The following KATNIP variants were observed in gnomAD, a reference collection of about 807,000 sequenced individuals.
KATNIP encodes katanin-interacting protein.
Under a neutral mutation model 174.0 loss-of-function variants are expected in KATNIP, and 126 were observed. That is an observed-to-expected ratio of 0.72 (90% CI 0.63 to 0.84). The LOEUF (loss-of-function observed/expected upper bound fraction) is 0.84, where lower values mean the gene tolerates loss of function less well. Ranked by LOEUF, KATNIP falls within the 40% of genes least tolerant of loss-of-function variation. The pLI is 0.00. For synonymous variants in KATNIP, 810 were observed against 835.7 expected (o/e 0.97, Z 0.53); for missense variants, 1,958 against 2,109.7 (o/e 0.93, Z 1.41).
intron 18 of KATNIP, 95 bp downstream of exon 18, chr16:27,754,346 T>A (rs2081633497): frequency 9.5e-7 from 1 of 1,049,394 alleles, no homozygotes; most frequent in African/African-American, 1.6e-5. Context: ...CGCTGGACAA[T>A]CGGGTGGGTT....
intron 6 of KATNIP, among the ~76,000 whole-genome samples, chr16:27,651,739 G>A (rs538818678): frequency 7.2e-5 from 11 of 152,236 alleles, no homozygotes; most frequent in African/African-American, 2.4e-4. Context: ...TTTATTTTGA[G>A]ACGTTGTCTC....
rs141887133 is a variant in KATNIP at position 27,612,072 on chromosome 16, C to T, written c.64-6353C>T. On this transcript the variant is annotated intron_variant, in intron 2 of 27. Transcript: ENST00000261588. ...CATCAAGTTAGGAGTGAGAATGGGG[C>T]GAGGTGGGACTCGGATGGTGCTGTT... Among the ~76,000 whole-genome samples, 725 of 152,090 alleles carry T rather than the reference C, an allele frequency of 4.8e-3. 5 individuals are homozygous for T. The highest frequency in any genetic ancestry group is 6.3e-3 in the Non-Finnish European group (427 of 67,968).
chr16:27,628,374 CG>C (rs2076390335), intron 3 of KATNIP, among the ~76,000 whole-genome samples: 1 of 152,238 alleles, frequency 6.6e-6, no homozygotes, highest in African/African-American at 2.4e-5. Flanking sequence ...TTGGCCAGCA[CG>C]GGGCATGAAC....
chr16:27,703,847 T>C, intron 11 of KATNIP, 49 bp from the exon 12 acceptor site: 1 of 1,354,722 alleles, frequency 7.4e-7, no homozygotes, highest in Non-Finnish European at 1.1e-6. Context: ...TGTTCTCTTT[T>C]GTGTATCATT....
chr16:27,555,696 T>C (rs1206678043), intron 1 of KATNIP, among the ~76,000 whole-genome samples: 1 of 151,662 alleles, frequency 6.6e-6, no homozygotes, highest in Non-Finnish European at 1.5e-5. Context: ...ATTAGCTGGG[T>C]GTGATGGTGC....
intron 2 of KATNIP, among the ~76,000 whole-genome samples, chr16:27,598,030 C>T (rs988368326): frequency 2.0e-5 from 3 of 152,108 alleles, no homozygotes; most frequent in African/African-American, 7.2e-5. Context: ...AAGTTCAAGA[C>T]CAGCCTGGGC....
At chr16:27,680,235 A>AG (rs930128177) in intron 7 of KATNIP, among the ~76,000 whole-genome samples, 2 of 152,166 alleles carry the variant, frequency 1.3e-5, no homozygotes, top group Non-Finnish European at 2.9e-5. Flanking sequence ...AAATAAACAA[A>AG]GGTGTTAGGC....
intron 6 of KATNIP, among the ~76,000 whole-genome samples, chr16:27,655,110 CAA>C (rs988976365): frequency 2.7e-5 from 4 of 146,210 alleles, no homozygotes; most frequent in Admixed American, 7.1e-5. Flanking sequence ...GCCTGGATGA[CAA>C]AGAGAGAAGC....
At chr16:27,591,872 TGCCTCCCCTTGTA>T (rs2075180386) in intron 2 of KATNIP, among the ~76,000 whole-genome samples, 1 of 152,200 alleles carries the variant, frequency 6.6e-6, no homozygotes, top group Admixed American at 6.5e-5. Context: ...TCCCTCCCAA[TGCCTCCCCTTGTA>T]GAGGACCTTT....
At chr16:27,555,571 A>T (rs2089586588) in intron 1 of KATNIP, among the ~76,000 whole-genome samples, 1 of 152,192 alleles carries the variant, frequency 6.6e-6, no homozygotes, top group Admixed American at 6.5e-5. Flanking sequence ...GCGGTGGCTC[A>T]CGCCTGTAAT....
In KATNIP at chr16:27,660,636, C is replaced by CTTT. The variant is rs367915880; in HGVS notation, c.540+11915_540+11917dup. On this transcript the variant is annotated intron_variant, in intron 6 of 27. Transcript: ENST00000261588. ...TGTGGAGCTCTGGCTCATATCAGTA[C>CTTT]TTTTTTTTTTTTTTTTAAGAGATGG... Among the ~76,000 whole-genome samples, 5 of 142,276 alleles carry CTTT rather than the reference C, an allele frequency of 3.5e-5. No homozygotes were observed. In the East Asian group the frequency reaches 6.2e-4, roughly 18 times the overall value. 93.3% of individuals were successfully genotyped at this position (142,276 alleles called of 152,430 possible).
rs920501558 is a variant in KATNIP at position 27,779,247 on chromosome 16, G to T, written c.*618G>T. 3 of 152,190 alleles carry T rather than the reference G, an allele frequency of 2.0e-5. No individual in the cohort carries two copies. Among genetic ancestry groups the T allele is most frequent in the African/African-American group, 7.3e-5 (3 of 41,344 alleles). 9.4% of individuals were successfully genotyped at this position (152,190 alleles called of 1,614,324 possible). A position where few individuals can be genotyped will look rare whatever the true frequency, so the allele number is the denominator to read the frequency against. ...TATAGGGGCCTCTCTCCTCTCATCG[G>T]GCCTGATAAGGGATTGGCCAAGGCT... On this transcript the variant is annotated 3_prime_UTR_variant, in exon 28 of 28. Coordinates refer to ENST00000261588, the MANE Select transcript of KATNIP (RefSeq NM_015202.5).
intron 14 of KATNIP, among the ~76,000 whole-genome samples, chr16:27,730,908 C>G (rs985331957): frequency 1.3e-5 from 2 of 152,226 alleles, no homozygotes; most frequent in African/African-American, 4.8e-5. Flanking sequence ...TTTTGATGAC[C>G]TGGCAAATAT....
Position 27,613,923 on chromosome 16 carries a change from G to A in KATNIP, c.64-4502G>A, listed in dbSNP as rs367944223. Among the ~76,000 whole-genome samples, 5 of 151,948 alleles carry A rather than the reference G, an allele frequency of 3.3e-5. No homozygotes were observed. In the South Asian group the frequency reaches 6.2e-4, roughly 19 times the overall value. ...AGTTTGTTTTTTGTTGTTGTTTCTC[G>A]GGTTTTTTAGAGAGACAGGGTCTCA... On this transcript the variant is annotated intron_variant, in intron 2 of 27. Transcript: ENST00000261588.
intron 1 of KATNIP, 74 bp from the exon 2 acceptor site, chr16:27,573,827 A>G: frequency 7.1e-7 from 1 of 1,402,084 alleles, no homozygotes; most frequent in Non-Finnish European, 1.0e-6. Flanking sequence ...GTTTGCAAAT[A>G]AAAATCTTTT....
At chr16:27,729,788 C>G (rs775775771) in intron 14 of KATNIP, among the ~76,000 whole-genome samples, 1 of 152,218 alleles carries the variant, frequency 6.6e-6, no homozygotes, top group Non-Finnish European at 1.5e-5. Flanking sequence ...CTTTGATCCT[C>G]TGACTTCCCT....
chr16:27,552,366 G>T (rs531792408), intron 1 of KATNIP, among the ~76,000 whole-genome samples: 16 of 148,678 alleles, frequency 1.1e-4, no homozygotes, highest in Non-Finnish European at 2.1e-4. Context: ...GCAAATGCCA[G>T]TTTCTTTTTT....
Position 27,780,090 on chromosome 16 carries a change from G to T in KATNIP, c.*1461G>T, listed in dbSNP as rs1179231893. On this transcript the variant is annotated 3_prime_UTR_variant, in exon 28 of 28. Coordinates refer to ENST00000261588, the MANE Select transcript of KATNIP (RefSeq NM_015202.5). ...AGCACCTCCCGCCAGGGGGAGTCAG[G>T]GGTTGATCAAACCAGCTCTTGTGAC... The T allele has an allele frequency of 6.6e-6, 1 of 151,412 alleles. No homozygotes were observed. The highest frequency in any genetic ancestry group is 1.9e-4 in the East Asian group (1 of 5,176). 9.4% of individuals were successfully genotyped at this position (151,412 alleles called of 1,614,324 possible). A position where few individuals can be genotyped will look rare whatever the true frequency, so the allele number is the denominator to read the frequency against.
chr16:27,672,904 A>G (rs2077972112), intron 6 of KATNIP, among the ~76,000 whole-genome samples: 1 of 152,158 alleles, frequency 6.6e-6, no homozygotes, highest in Non-Finnish European at 1.5e-5. Context: ...GAAACTGGCC[A>G]TGTTTGGTGG....
Sources: gnomAD v4.1 joint callset for allele counts (sites outside exome capture counted in the v4.1 genomes callset) on GRCh38, gnomAD v4.1.1 for gene constraint, MANE v1.5 for transcripts, NCBI Gene and HGNC (gene_info 2026-07-23, HGNC 2026-07-21) for gene names.